The following MIR2052HG variants were observed in gnomAD, a reference collection of about 807,000 sequenced individuals.
MIR2052HG encodes the protein MIR2052 host gene.
At chr8:74,727,216 A>G (rs1365661279) in intron 4 of MIR2052HG, among the ~76,000 whole-genome samples, 1 of 152,252 alleles carries the variant, frequency 6.6e-6, no homozygotes, top group African/African-American at 2.4e-5. Flanking sequence ...AGATTTTTGT[A>G]AGCATATCCT....
intron 2 of MIR2052HG, among the ~76,000 whole-genome samples, chr8:74,677,583 A>G (rs80042024): frequency 0.017 from 2,620 of 152,198 alleles, 36 homozygotes; most frequent in African/African-American, 0.035. Flanking sequence ...TCATATGTCT[A>G]AATAATTCAT....
At position 74,653,189 on chromosome 8, in the gene MIR2052HG, T is replaced by G. The variant is rs1011947603; in HGVS notation, n.216+40249T>G. On this transcript the variant is annotated intron_variant and non_coding_transcript_variant, in intron 2 of 6. Transcript: ENST00000523442. The stretch of plus-strand genomic sequence containing the variant: ...TTTTATAAGTGGCAAAGTTTTCCAG[T>G]TTTCTTTTAATTCTATCCTCTTATC... Among the ~76,000 whole-genome samples the G allele has an allele frequency of 2.0e-5, 3 of 152,220 alleles. 1 individual carries two copies. The highest frequency in any genetic ancestry group is 2.0e-4 in the Admixed American group (3 of 15,286).
chr8:74,744,580 G>T (rs1809864285), intron 4 of MIR2052HG, among the ~76,000 whole-genome samples: 1 of 151,796 alleles, frequency 6.6e-6, no homozygotes, highest in African/African-American at 2.4e-5. Context: ...GCGGTGTTTG[G>T]TTTTTTGTCC....
chr8:74,665,580 A>G (rs967304776), intron 2 of MIR2052HG, among the ~76,000 whole-genome samples: 3 of 152,120 alleles, frequency 2.0e-5, no homozygotes, highest in Non-Finnish European at 4.4e-5. Flanking sequence ...GCTGTCATTA[A>G]TCACTCTCTC....
chr8:74,704,053 A>T (rs1173998507), intron 4 of MIR2052HG, among the ~76,000 whole-genome samples: 1 of 151,984 alleles, frequency 6.6e-6, no homozygotes, highest in Non-Finnish European at 1.5e-5. Context: ...AGGGAAAGGT[A>T]AGAATAGGAG....
chr8:74,666,257 T>C (rs1056241445), intron 2 of MIR2052HG, among the ~76,000 whole-genome samples: 2 of 152,172 alleles, frequency 1.3e-5, no homozygotes, highest in African/African-American at 4.8e-5. Context: ...CAGAGACATA[T>C]TTTAAAAGAG....
intron 4 of MIR2052HG, among the ~76,000 whole-genome samples, chr8:74,726,085 C>A (rs1437856744): frequency 6.6e-6 from 1 of 151,876 alleles, no homozygotes; most frequent in African/African-American, 2.4e-5. Flanking sequence ...CTCAGCTACT[C>A]GGGAGGCTGA....
At chr8:74,738,470 A>C (rs1373751035) in intron 4 of MIR2052HG, among the ~76,000 whole-genome samples, 1 of 152,206 alleles carries the variant, frequency 6.6e-6, no homozygotes, top group Non-Finnish European at 1.5e-5. Context: ...TCTGTCTTCC[A>C]AATACCTGGT....
intron 2 of MIR2052HG, among the ~76,000 whole-genome samples, chr8:74,638,726 C>T (rs1020247697): frequency 6.6e-6 from 1 of 152,120 alleles, no homozygotes; most frequent in African/African-American, 2.4e-5. Context: ...CATTTGGACA[C>T]GTGCTTGATG....
intron 2 of MIR2052HG, among the ~76,000 whole-genome samples, chr8:74,636,362 A>G (rs887547683): frequency 6.6e-6 from 1 of 151,894 alleles, no homozygotes; most frequent in Non-Finnish European, 1.5e-5. Flanking sequence ...ATGCTTTTAC[A>G]TTTTTTCTCG....
intron 4 of MIR2052HG, among the ~76,000 whole-genome samples, chr8:74,735,558 C>A (rs946394209): frequency 1.3e-5 from 2 of 152,192 alleles, no homozygotes; most frequent in Admixed American, 6.5e-5. Flanking sequence ...TCATACCCTG[C>A]TGCTCAGTTG....
intron 2 of MIR2052HG, among the ~76,000 whole-genome samples, chr8:74,662,109 C>A (rs758208171): frequency 1.4e-4 from 21 of 152,134 alleles, no homozygotes; most frequent in Admixed American, 4.6e-4. Flanking sequence ...CACAGCAAAT[C>A]GAGCATTATG....
intron 4 of MIR2052HG, among the ~76,000 whole-genome samples, chr8:74,749,916 T>C (rs1034665962): frequency 8.6e-5 from 13 of 151,632 alleles, no homozygotes; most frequent in African/African-American, 3.2e-4. Flanking sequence ...TTTTGAGACA[T>C]TTTTGAACTA....
intron 2 of MIR2052HG, among the ~76,000 whole-genome samples, chr8:74,656,723 G>A (rs1238813393): frequency 6.6e-6 from 1 of 152,090 alleles, no homozygotes; most frequent in Non-Finnish European, 1.5e-5. Context: ...TGCTCAGGAG[G>A]GTATCCTGGA....
chr8:74,628,191 A>G (rs1260935861), intron 2 of MIR2052HG, among the ~76,000 whole-genome samples: 1 of 152,164 alleles, frequency 6.6e-6, no homozygotes, highest in Non-Finnish European at 1.5e-5. Flanking sequence ...TTGGTGAGAG[A>G]TGCAGAGATG....
chr8:74,673,260 G>A (rs992672216), intron 2 of MIR2052HG, among the ~76,000 whole-genome samples: 1 of 152,002 alleles, frequency 6.6e-6, no homozygotes, highest in African/African-American at 2.4e-5. Flanking sequence ...CAGAATCTAT[G>A]GAACCCCAGT....
At chr8:74,658,062 T>C (rs916955870) in intron 2 of MIR2052HG, among the ~76,000 whole-genome samples, 1 of 152,234 alleles carries the variant, frequency 6.6e-6, no homozygotes, top group Non-Finnish European at 1.5e-5. Flanking sequence ...GGTGGATTCT[T>C]GCCTGAGGGC....
At chr8:74,705,456 C>T (rs1055090868) in intron 4 of MIR2052HG, among the ~76,000 whole-genome samples, 1 of 152,014 alleles carries the variant, frequency 6.6e-6, no homozygotes, top group African/African-American at 2.4e-5. Flanking sequence ...TACTTAAGGT[C>T]GTTTCCAAAT....
At chr8:74,747,464 C>T (rs772064717) in intron 4 of MIR2052HG, among the ~76,000 whole-genome samples, 10 of 152,124 alleles carry the variant, frequency 6.6e-5, no homozygotes. Flanking sequence ...AGACTCAGAA[C>T]AGTAACTCTT....
Sources: allele counts gnomAD v4.1 joint callset (sites outside exome capture counted in the v4.1 genomes callset), GRCh38; gene constraint gnomAD v4.1.1; transcripts MANE v1.5; gene names NCBI Gene and HGNC (gene_info 2026-07-23, HGNC 2026-07-21).